PAX2: variants seen among roughly 807,000 people sequenced by gnomAD.
PAX2 encodes the protein paired box 2.
In PAX2, 9 loss-of-function variants were observed where a neutral mutation model predicts 41.7. That is an observed-to-expected ratio of 0.22 (90% CI 0.13 to 0.38). PAX2 has a LOEUF of 0.38. Among genes scored for constraint, PAX2 ranks in the 10% least tolerant of loss-of-function variants. PAX2 has a pLI of 1.00. For synonymous variants in PAX2, 221 were observed against 212.7 expected, an observed-to-expected ratio of 1.04 and a Z score of -0.34; for missense variants, 418 against 531.6, an observed-to-expected ratio of 0.79 and a Z score of 2.10.
At chr10:100,788,614 C>G (rs115295511) in intron 5 of PAX2, among the ~76,000 whole-genome samples, 1 of 152,130 alleles carries the variant, frequency 6.6e-6, no homozygotes, top group Non-Finnish European at 1.5e-5. Flanking sequence ...AGTCTCTCAG[C>G]GGCATTTTGG....
At chr10:100,811,008 A>C (rs1847973309) in intron 7 of PAX2, among the ~76,000 whole-genome samples, 1 of 152,240 alleles carries the variant, frequency 6.6e-6, no homozygotes, top group African/African-American at 2.4e-5. Flanking sequence ...TCTGTATGCG[A>C]CATTTCAATC....
chr10:100,813,604 C>A (rs1326382840), intron 7 of PAX2, among the ~76,000 whole-genome samples: 1 of 152,114 alleles, frequency 6.6e-6, no homozygotes, highest in East Asian at 1.9e-4. Context: ...CCGTGAAAGG[C>A]AAACACATAC....
At chr10:100,741,060 T>G (rs1047587048), upstream of PAX2, among the ~76,000 whole-genome samples, 1 of 152,176 alleles carries the variant, frequency 6.6e-6, no homozygotes, top group African/African-American at 2.4e-5. Context: ...TCAAAGGGCC[T>G]GTGAAGGGCT....
Position 100,750,962 on chromosome 10 carries a change from C to A in PAX2, c.410+71C>A. 8.6e-7 allele frequency: 1 copy of A among 1,159,578 alleles called. No individual in the cohort carries two copies. Among genetic ancestry groups the A allele is most frequent in the Non-Finnish European group, 1.3e-6 (1 of 771,670 alleles). The allele number at this position is 1,159,578 out of a possible 1,614,324, so 71.8% of individuals were successfully genotyped here. Reference sequence around the variant, plus strand: ...CTCCTGCCTGCAGGGGTGTCCCACGCCCAGTCTCTGCTCTTTGTCCAGCCT... The same window carrying A: ...CTCCTGCCTGCAGGGGTGTCCCACGACCAGTCTCTGCTCTTTGTCCAGCCT... On this transcript the variant is annotated intron_variant, in intron 3 of 9. Coordinates refer to ENST00000355243, the MANE Select transcript of PAX2 (RefSeq NM_000278.5). The surrounding 1 kb of genome is among the most constrained non-coding windows in gnomAD (Gnocchi z 4.1).
Position 100,824,413 on chromosome 10 carries a change from A to G in PAX2, c.920-235A>G, listed in dbSNP as rs1434861101. On this transcript the variant is annotated intron_variant, in intron 7 of 9. Coordinates refer to ENST00000355243, the MANE Select transcript of PAX2 (RefSeq NM_000278.5). This position sits in a 1 kb window ranked among gnomAD's most constrained non-coding sequence, Gnocchi z 6.6. ...ACACACACAAATACACAGAGACACA[A>G]AGAGCTACACAAAACAGAGATGCGT... Among the ~76,000 whole-genome samples, 1 of 145,180 alleles carries G rather than the reference A, an allele frequency of 6.9e-6. No homozygotes were observed. Among genetic ancestry groups the G allele is most frequent in the Non-Finnish European group, 1.5e-5 (1 of 64,940 alleles).
intron 5 of PAX2, among the ~76,000 whole-genome samples, chr10:100,788,257 G>A (rs111856905): frequency 0.019 from 2,912 of 152,290 alleles, 94 homozygotes; most frequent in African/African-American, 0.062. Context: ...GCTCCTGGCC[G>A]CCCGCGATCG....
intron 3 of PAX2, among the ~76,000 whole-genome samples, chr10:100,756,106 A>C (rs1379495979): frequency 6.6e-6 from 1 of 152,112 alleles, no homozygotes; most frequent in Non-Finnish European, 1.5e-5. Context: ...GTGCTTGCGG[A>C]CTAGAATGTT....
chr10:100,821,799 C>G (rs866477231), intron 7 of PAX2, among the ~76,000 whole-genome samples: 1 of 152,130 alleles, frequency 6.6e-6, no homozygotes, highest in Admixed American at 6.5e-5. Context: ...ATTTAAATTC[C>G]TGTTTATTAA....
chr10:100,749,658 C>T, intron 1 of PAX2, 88 bp from the exon 2 acceptor site: 1 of 1,542,168 alleles, frequency 6.5e-7, no homozygotes, highest in South Asian at 1.3e-5. Context: ...CTGCCTGCTT[C>T]CTTCGCCCGT....
chr10:100,764,680 CTGTGTG>C (rs59663467), intron 3 of PAX2, among the ~76,000 whole-genome samples: 1 of 150,238 alleles, frequency 6.7e-6, no homozygotes, highest in Non-Finnish European at 1.5e-5. Flanking sequence ...GACCTTGTGG[CTGTGTG>C]TGTGTGTGTG....
At chr10:100,810,860 T>TC (rs1053792870) in intron 7 of PAX2, among the ~76,000 whole-genome samples, 2 of 143,354 alleles carry the variant, frequency 1.4e-5, no homozygotes, top group East Asian at 4.4e-4. Context: ...CCCACCCGCC[T>TC]CCCCCCCATG....
intron 1 of PAX2, chr10:100,749,275 C>T: frequency 1.0e-6 from 1 of 996,784 alleles, no homozygotes; most frequent in African/African-American, 1.7e-5. Context: ...GTCAGCCGAG[C>T]CTCGACGCCC....
chr10:100,822,547 G>A (rs1564745390), intron 7 of PAX2, among the ~76,000 whole-genome samples: 1 of 152,168 alleles, frequency 6.6e-6, no homozygotes, highest in Non-Finnish European at 1.5e-5. Flanking sequence ...CTGCCCTCAG[G>A]TTGCTTATGA....
At position 100,746,124 on chromosome 10, in the gene PAX2, G is replaced by A; in HGVS notation, c.-137G>A. The A allele has an allele frequency of 2.6e-6, 3 of 1,138,548 alleles. No homozygotes were observed. Among genetic ancestry groups the A allele is most frequent in the East Asian group, 4.1e-5 (1 of 24,394 alleles). The allele number at this position is 1,138,548 out of a possible 1,614,324, so 70.5% of individuals were successfully genotyped here. A position where few individuals can be genotyped will look rare whatever the true frequency, so the allele number is the denominator to read the frequency against. On this transcript the variant is annotated 5_prime_UTR_variant, in exon 1 of 10. Coordinates refer to ENST00000355243, the MANE Select transcript of PAX2 (RefSeq NM_000278.5). Reference sequence around the variant, plus strand: ...GCGCAGTGCTGCGCCCCCCGCCCCCGCGCGCCCCGCAGCAGCCGGGCGTTC... The same window carrying A: ...GCGCAGTGCTGCGCCCCCCGCCCCCACGCGCCCCGCAGCAGCCGGGCGTTC...
chr10:100,809,579 A>G (rs59107884), intron 7 of PAX2, among the ~76,000 whole-genome samples: 9,129 of 152,274 alleles, frequency 0.06, 908 homozygotes, highest in African/African-American at 0.21. Flanking sequence ...CAGAAAGCAA[A>G]TAAGCCAGGC....
Position 100,827,580 on chromosome 10 carries a change from C to A in PAX2, c.1146C>A (p.Ser382=). The change falls in exon 10 of 10, where the codon TCC becomes TCA. Residue 382 remains serine (S), a synonymous_variant. Coordinates refer to ENST00000355243, the MANE Select transcript of PAX2 (RefSeq NM_000278.5). The surrounding 1 kb of genome is among the most constrained non-coding windows in gnomAD (Gnocchi z 8.5). ...ATTATAGTGCCGCCCCCCGGGGCTC[C>A]GCCCCTGCCGCTGCTGCCGCTGCCT... ...PYYYSAAPRG[S]APAAAAAAYD... is the part of the protein sequence containing the mutation. 1 of 1,613,686 alleles carries A rather than the reference C, an allele frequency of 6.2e-7. No individual in the cohort carries two copies. Among genetic ancestry groups the A allele is most frequent in the Non-Finnish European group, 8.5e-7 (1 of 1,179,606 alleles).
Position 100,748,448 on chromosome 10 carries a change from G to A in PAX2, c.44-1298G>A. 1 of 985,172 alleles carries A rather than the reference G, an allele frequency of 1.0e-6. No homozygotes were observed. The highest frequency in any genetic ancestry group is 1.2e-6 in the Non-Finnish European group (1 of 829,862). 61.0% of individuals were successfully genotyped at this position (985,172 alleles called of 1,614,324 possible). A position where few individuals can be genotyped will look rare whatever the true frequency, so the allele number is the denominator to read the frequency against. On this transcript the variant is annotated intron_variant, in intron 1 of 9. Transcript: ENST00000355243. This position sits in a 1 kb window ranked among gnomAD's most constrained non-coding sequence, Gnocchi z 5.0. ...TACCCCCCGAGAAAGGGAGGGGAGAGAAATGAGGGGGGCACAGATGTCCCC... is the reference window on the plus strand; with the variant it reads ...TACCCCCCGAGAAAGGGAGGGGAGAAAAATGAGGGGGGCACAGATGTCCCC...
Position 100,750,300 on chromosome 10 carries a change from G to A in PAX2, c.212+386G>A, listed in dbSNP as rs1013721390. ...AGCAGCATTTGGGAGGCAGAAGGAG[G>A]GTCCTGGTTCCCACAGATGCTCTGT... is the stretch of plus-strand genomic sequence containing the variant. On this transcript the variant is annotated intron_variant, in intron 2 of 9. Coordinates refer to ENST00000355243, the MANE Select transcript of PAX2 (RefSeq NM_000278.5). The surrounding 1 kb of genome is among the most constrained non-coding windows in gnomAD (Gnocchi z 4.1). Among the ~76,000 whole-genome samples, 4 of 152,138 alleles carry A rather than the reference G, an allele frequency of 2.6e-5. No individual in the cohort carries two copies. The highest frequency in any genetic ancestry group is 9.7e-5 in the African/African-American group (4 of 41,418).
intron 7 of PAX2, among the ~76,000 whole-genome samples, chr10:100,823,417 G>A (rs1455508179): frequency 1.3e-5 from 2 of 152,208 alleles, no homozygotes; most frequent in African/African-American, 4.8e-5. Flanking sequence ...GGAATGCAGG[G>A]AGGTGAGGCC....
Sources: gnomAD v4.1 joint callset for allele counts (sites outside exome capture counted in the v4.1 genomes callset) on GRCh38, gnomAD v4.1.1 for gene constraint, Gnocchi (gnomAD v3.1) non-coding constraint, MANE v1.5 for transcripts, NCBI Gene and HGNC (gene_info 2026-07-23, HGNC 2026-07-21) for gene names.